DPYD: variants seen among roughly 807,000 people sequenced by gnomAD.
DPYD encodes the protein dihydropyrimidine dehydrogenase.
Under a neutral mutation model 116.2 loss-of-function variants are expected in DPYD, and 109 were observed. The ratio of observed to expected loss-of-function variants is 0.94; its 90% CI spans 0.80 to 1.10. The LOEUF (loss-of-function observed/expected upper bound fraction) is 1.10, where lower values mean the gene tolerates loss of function less well. Ranked by LOEUF, DPYD falls within the 50% of genes least tolerant of loss-of-function variation. The pLI is 0.00. For missense variants in DPYD, 1,302 were observed against 1,254.5 expected, an observed-to-expected ratio of 1.04 and a Z score of -0.57; for synonymous variants, 440 against 432.0, an observed-to-expected ratio of 1.02 and a Z score of -0.23.
chr1:97,788,061 T>C (rs17117176), intron 3 of DPYD, among the ~76,000 whole-genome samples: 3,756 of 152,286 alleles, frequency 0.025, 170 homozygotes, highest in African/African-American at 0.086. Context: ...CATCCCTGTA[T>C]GTCCGTGATA....
chr1:97,300,764 AT>A (rs1236579722), intron 18 of DPYD, among the ~76,000 whole-genome samples: 2 of 152,068 alleles, frequency 1.3e-5, no homozygotes, highest in Admixed American at 6.6e-5. Context: ...CTGCCAAGTT[AT>A]TATTGCATTC....
chr1:97,083,763 A>G (rs528954266), intron 21 of DPYD, among the ~76,000 whole-genome samples: 17 of 152,096 alleles, frequency 1.1e-4, no homozygotes, highest in Non-Finnish European at 2.1e-4. Context: ...ACTTATCATC[A>G]ACAACACGAA....
At chr1:97,092,881 G>A (rs923310772) in intron 21 of DPYD, among the ~76,000 whole-genome samples, 3 of 151,962 alleles carry the variant, frequency 2.0e-5, no homozygotes, top group Admixed American at 6.6e-5. Context: ...CTAATATAAT[G>A]AGAATCACTG....
chr1:97,198,196 C>T lies in DPYD; in HGVS notation c.2443-4948G>A, dbSNP rs181654013. Among the ~76,000 whole-genome samples the T allele has an allele frequency of 6.3e-3, 954 of 151,790 alleles. 12 individuals carry two copies. The highest frequency in any genetic ancestry group is 0.022 in the African/African-American group (899 of 41,466). On this transcript the variant is annotated intron_variant, in intron 19 of 22. Coordinates refer to ENST00000370192, the MANE Select transcript of DPYD (RefSeq NM_000110.4). ...GCATTGGCCAAATTTTCGGGGGATG[C>T]TGCTGCTGCTGCTGGACCACACTTA...
intron 18 of DPYD, among the ~76,000 whole-genome samples, chr1:97,283,064 G>A (rs1270346476): frequency 6.6e-6 from 1 of 151,966 alleles, no homozygotes; most frequent in African/African-American, 2.4e-5. Flanking sequence ...TTTTCAAATA[G>A]GATAAACATA....
chr1:97,202,737 C>T (rs1468996358), intron 19 of DPYD, among the ~76,000 whole-genome samples: 1 of 152,172 alleles, frequency 6.6e-6, no homozygotes, highest in Non-Finnish European at 1.5e-5. Context: ...TGCCCCCTTC[C>T]TTGTATCTGT....
intron 8 of DPYD, among the ~76,000 whole-genome samples, chr1:97,595,894 C>G (rs1328984870): frequency 6.6e-6 from 1 of 151,842 alleles, no homozygotes; most frequent in African/African-American, 2.4e-5. Context: ...TGTAACTTCT[C>G]TATAAAAAGA....
At chr1:97,321,799 G>T in intron 16 of DPYD, among the ~76,000 whole-genome samples, 1 of 55,746 alleles carries the variant, frequency 1.8e-5, no homozygotes, top group East Asian at 6.6e-4. Flanking sequence ...GTTTATTGTG[G>T]CACTATTCAC....
intron 15 of DPYD, among the ~76,000 whole-genome samples, chr1:97,378,549 T>A (rs887665515): frequency 3.3e-5 from 5 of 152,176 alleles, no homozygotes; most frequent in African/African-American, 1.2e-4. Flanking sequence ...TGGCAATCTC[T>A]CATCAGGTAC....
intron 14 of DPYD, among the ~76,000 whole-genome samples, chr1:97,440,925 AT>A (rs973133523): frequency 1.3e-5 from 2 of 152,112 alleles, no homozygotes; most frequent in African/African-American, 4.8e-5. Context: ...TTTCACTTAT[AT>A]TTTTAAAAGG....
chr1:97,507,048 T>C (rs1423074930), intron 13 of DPYD, among the ~76,000 whole-genome samples: 1 of 151,982 alleles, frequency 6.6e-6, no homozygotes, highest in Admixed American at 6.6e-5. Flanking sequence ...GATGAAGAAA[T>C]GAGGGTTACG....
intron 1 of DPYD, among the ~76,000 whole-genome samples, chr1:97,890,458 C>T (rs1010790970): frequency 6.6e-6 from 1 of 151,844 alleles, no homozygotes; most frequent in African/African-American, 2.4e-5. Context: ...AGTTAGACAT[C>T]TGTGTCTTTT....
At chr1:97,834,577 T>A (rs1669677257) in intron 2 of DPYD, among the ~76,000 whole-genome samples, 1 of 152,056 alleles carries the variant, frequency 6.6e-6, no homozygotes, top group Non-Finnish European at 1.5e-5. Flanking sequence ...ATAAATTTCA[T>A]ATTTTAAAAT....
rs534320961 is a variant in DPYD, at chr1:97,766,206, A to T, written c.234-25727T>A. On this transcript the variant is annotated intron_variant, in intron 3 of 22. Coordinates refer to ENST00000370192, the MANE Select transcript of DPYD (RefSeq NM_000110.4). ...TGGTGAGCCGAGATTGCGCCATTGC[A>T]CTCCAGCCTAGGCAACAAGAGAGAA... Among the ~76,000 whole-genome samples the T allele has an allele frequency of 1.6e-3, 244 of 152,238 alleles. 1 individual carries two copies. Among genetic ancestry groups the T allele is most frequent in the South Asian group, 5.2e-3 (25 of 4,830 alleles).
chr1:97,837,237 C>T (rs1178763478), intron 2 of DPYD, among the ~76,000 whole-genome samples: 2 of 152,054 alleles, frequency 1.3e-5, no homozygotes, highest in Admixed American at 6.5e-5. Context: ...TAATTAGATT[C>T]CACTCTCTGT....
At chr1:97,656,549 T>G (rs1222596047) in intron 8 of DPYD, among the ~76,000 whole-genome samples, 1 of 152,158 alleles carries the variant, frequency 6.6e-6, no homozygotes, top group Non-Finnish European at 1.5e-5. Context: ...TTCTTGGGTC[T>G]GCTAAGTCCA....
intron 14 of DPYD, among the ~76,000 whole-genome samples, chr1:97,435,522 G>A (rs1300965772): frequency 6.6e-6 from 1 of 151,846 alleles, no homozygotes; most frequent in Non-Finnish European, 1.5e-5. Flanking sequence ...CTCATGAACA[G>A]TCTCTTTTTA....
chr1:97,086,690 G>A lies in DPYD; in HGVS notation c.2767-4220C>T, dbSNP rs575039947. Among the ~76,000 whole-genome samples the A allele has an allele frequency of 1.8e-4, 28 of 152,064 alleles. No homozygotes were observed. In the East Asian group the frequency reaches 4.6e-3, roughly 25 times the overall value. ...ATGAACCATTGTAAGTCACACTGTC[G>A]TAAAGTAGAAAGAAAAATCATAAGA... On this transcript the variant is annotated intron_variant, in intron 21 of 22. Transcript: ENST00000370192.
At chr1:97,088,632 C>G (rs1373358596) in intron 21 of DPYD, among the ~76,000 whole-genome samples, 1 of 152,076 alleles carries the variant, frequency 6.6e-6, no homozygotes, top group Non-Finnish European at 1.5e-5. Flanking sequence ...CCTCCATACT[C>G]CACCCTGAGG....
Sources: allele counts gnomAD v4.1 joint callset (sites outside exome capture counted in the v4.1 genomes callset), GRCh38; gene constraint gnomAD v4.1.1; transcripts MANE v1.5; gene names NCBI Gene and HGNC (gene_info 2026-07-23, HGNC 2026-07-21).